The following COL19A1 variants were observed in gnomAD, a reference collection of about 807,000 sequenced individuals.
COL19A1 encodes collagen type XIX alpha 1 chain.
COL19A1 carries 159 observed loss-of-function variants against 190.2 expected under a neutral mutation model. The observed-to-expected ratio is 0.84, with a 90% CI of 0.73 to 0.95. The LOEUF is 0.95. COL19A1 is among the 40% of genes least tolerant of loss of function. COL19A1 has a pLI of 0.00. For synonymous variants in COL19A1, 509 were observed against 458.9 expected (o/e 1.11, Z -1.39); for missense variants, 1,418 against 1,431.9 (o/e 0.99, Z 0.16).
In COL19A1 at chr6:70,007,737, T is replaced by G. The variant is rs142410909; in HGVS notation, c.1027-15890T>G. Among the ~76,000 whole-genome samples, 568 of 152,110 alleles carry G rather than the reference T, an allele frequency of 3.7e-3. 3 individuals carry two copies. The highest frequency in any genetic ancestry group is 0.013 in the African/African-American group (544 of 41,558). ...TACAGTACACTCATCTGAACTGACATTCATAAAACACTCCACCCAACAATA... is the reference window on the plus strand; with the variant it reads ...TACAGTACACTCATCTGAACTGACAGTCATAAAACACTCCACCCAACAATA... On this transcript the variant is annotated intron_variant, in intron 11 of 50. Transcript: ENST00000620364.
intron 14 of COL19A1, among the ~76,000 whole-genome samples, chr6:70,052,872 T>C (rs1780286279): frequency 6.6e-6 from 1 of 152,212 alleles, no homozygotes; most frequent in African/African-American, 2.4e-5. Context: ...ACCATTTATT[T>C]ACCATGTTAT....
At chr6:70,081,178 C>A (rs1782225213) in intron 15 of COL19A1, among the ~76,000 whole-genome samples, 1 of 152,004 alleles carries the variant, frequency 6.6e-6, no homozygotes, top group Admixed American at 6.5e-5. Context: ...GATGAATTCC[C>A]CACAGCATTC....
intron 2 of COL19A1, among the ~76,000 whole-genome samples, chr6:69,880,732 G>T (rs967918022): frequency 6.6e-6 from 1 of 152,152 alleles, no homozygotes; most frequent in South Asian, 2.1e-4. Flanking sequence ...TCCTGTGGCT[G>T]TCATACAATT....
intron 11 of COL19A1, among the ~76,000 whole-genome samples, chr6:70,010,523 C>T (rs1394980580): frequency 7.0e-6 from 1 of 142,016 alleles, no homozygotes; most frequent in Admixed American, 6.9e-5. Flanking sequence ...CGAGCGGAAG[C>T]AGGGCGAGGC....
At chr6:69,897,617 A>C (rs1050759701) in intron 2 of COL19A1, among the ~76,000 whole-genome samples, 1 of 152,012 alleles carries the variant, frequency 6.6e-6, no homozygotes, top group African/African-American at 2.4e-5. Flanking sequence ...TAGGTCTTTA[A>C]TTTCTCTCAG....
chr6:69,896,543 C>CAAAAAAAAAAAAA (rs61409385), intron 2 of COL19A1, among the ~76,000 whole-genome samples: 4 of 71,682 alleles, frequency 5.6e-5, no homozygotes, highest in East Asian at 3.8e-4. Flanking sequence ...GACTCCGTCT[C>CAAAAAAAAAAAAA]AAAAAAAAAA....
At chr6:70,105,780 C>A (rs1373904241) in intron 16 of COL19A1, among the ~76,000 whole-genome samples, 2 of 152,058 alleles carry the variant, frequency 1.3e-5, no homozygotes, top group Admixed American at 1.3e-4. Context: ...AATCCTGAAG[C>A]ATGTGTTAGA....
In COL19A1 at chr6:69,959,977, T is replaced by C. The variant is rs1774671369; in HGVS notation, c.937-19T>C. 2 of 1,610,986 alleles carry C rather than the reference T, an allele frequency of 1.2e-6. No individual in the cohort carries two copies. Among genetic ancestry groups the C allele is most frequent in the Non-Finnish European group, 1.7e-6 (2 of 1,178,394 alleles). ...ATATCTTTATGGATCATAAACATTA[T>C]TCTGTGTACTTCTTTTAGGGTGAAA... On this transcript the variant is annotated intron_variant, in intron 9 of 50. Coordinates refer to ENST00000620364, the MANE Select transcript of COL19A1 (RefSeq NM_001858.6).
chr6:69,967,860 A>G (rs1775206717), intron 11 of COL19A1, among the ~76,000 whole-genome samples: 1 of 152,216 alleles, frequency 6.6e-6, no homozygotes, highest in South Asian at 2.1e-4. Flanking sequence ...ATTGTTATAA[A>G]ATTCCGTACA....
intron 3 of COL19A1, among the ~76,000 whole-genome samples, chr6:69,900,024 T>G (rs561121744): frequency 6.6e-6 from 1 of 152,300 alleles, no homozygotes; most frequent in East Asian, 1.9e-4. Context: ...CATGATTTTT[T>G]TCTAGAAAAA....
At chr6:70,048,821 A>C (rs189958849) in intron 14 of COL19A1, among the ~76,000 whole-genome samples, 1 of 152,110 alleles carries the variant, frequency 6.6e-6, no homozygotes, top group African/African-American at 2.4e-5. Context: ...AATGCTTAGA[A>C]TAGAATTGAA....
chr6:70,100,442 T>C (rs1242648363), intron 15 of COL19A1, among the ~76,000 whole-genome samples: 1 of 152,144 alleles, frequency 6.6e-6, no homozygotes, highest in East Asian at 1.9e-4. Flanking sequence ...ATTTCAATCT[T>C]ACAATCCTCC....
chr6:69,875,108 A>C (rs973226144), intron 1 of COL19A1, among the ~76,000 whole-genome samples: 29 of 152,256 alleles, frequency 1.9e-4, no homozygotes, highest in Admixed American at 2.6e-4. Flanking sequence ...CTAGAGACCA[A>C]TGTGCTTCTT....
At chr6:69,875,479 A>C (rs1457540206) in intron 1 of COL19A1, among the ~76,000 whole-genome samples, 1 of 152,210 alleles carries the variant, frequency 6.6e-6, no homozygotes, top group Non-Finnish European at 1.5e-5. Flanking sequence ...TTCAGTAATT[A>C]ATTGGAAGCT....
chr6:69,913,071 A>C (rs1171701914), intron 4 of COL19A1, among the ~76,000 whole-genome samples: 1 of 152,196 alleles, frequency 6.6e-6, no homozygotes, highest in Non-Finnish European at 1.5e-5. Flanking sequence ...CCTGAGTGAC[A>C]GAGTGAGACC....
At chr6:70,139,320 C>A (rs1786090658) in intron 19 of COL19A1, among the ~76,000 whole-genome samples, 1 of 151,938 alleles carries the variant, frequency 6.6e-6, no homozygotes, top group African/African-American at 2.4e-5. Context: ...AGTCATAGGC[C>A]TTTTCCTCCT....
At chr6:70,083,777 C>T (rs1413680791) in intron 15 of COL19A1, among the ~76,000 whole-genome samples, 1 of 152,122 alleles carries the variant, frequency 6.6e-6, no homozygotes, top group African/African-American at 2.4e-5. Context: ...GGACTTAGAA[C>T]CCAGGCAGCC....
At chr6:70,125,535 T>C (rs941860) in intron 17 of COL19A1, among the ~76,000 whole-genome samples, 42,766 of 151,068 alleles carry the variant, frequency 0.28, 6,875 homozygotes, top group African/African-American at 0.42. Context: ...AGCTCAGGTA[T>C]GAGAAACCCT....
chr6:70,150,092 G>T, intron 30 of COL19A1, 47 bp downstream of exon 30: 1 of 1,596,118 alleles, frequency 6.3e-7, no homozygotes, highest in Non-Finnish European at 8.6e-7. Flanking sequence ...AATGCACCCA[G>T]AAGCCAAACA....
Sources: allele counts gnomAD v4.1 joint callset (sites outside exome capture counted in the v4.1 genomes callset), GRCh38; gene constraint gnomAD v4.1.1; transcripts MANE v1.5; gene names NCBI Gene and HGNC (gene_info 2026-07-23, HGNC 2026-07-21).